RERE: variants seen among roughly 807,000 people sequenced by gnomAD.
The protein encoded by RERE is arginine-glutamic acid dipeptide repeats.
Under a neutral mutation model 146.1 loss-of-function variants are expected in RERE, and 40 were observed. The ratio of observed to expected loss-of-function variants is 0.27; its 90% CI spans 0.21 to 0.36. The LOEUF is 0.36. RERE is among the 10% of genes least tolerant of loss of function. The probability of loss-of-function intolerance (pLI) is 1.00; values close to 1 mark genes in which losing one functional copy is unlikely to be tolerated. For synonymous variants in RERE, 1,003 were observed against 866.0 expected, an observed-to-expected ratio of 1.16 and a Z score of -2.78; for missense variants, 1,933 against 2,138.7, an observed-to-expected ratio of 0.90 and a Z score of 1.90.
chr1:8,615,976 G>A (rs1473915865), intron 3 of RERE, among the ~76,000 whole-genome samples: 1 of 152,164 alleles, frequency 6.6e-6, no homozygotes, highest in Admixed American at 6.5e-5. Flanking sequence ...AGCTGACAGA[G>A]TGTCAGTAGC....
intron 15 of RERE, 39 bp from the exon 16 acceptor site, chr1:8,362,883 C>T (rs917368502): frequency 6.3e-7 from 1 of 1,584,960 alleles, no homozygotes; most frequent in African/African-American, 1.3e-5. Flanking sequence ...ACCAGATTCC[C>T]AGTCCCCATG....
chr1:8,748,192 C>T (rs570975600), intron 1 of RERE, among the ~76,000 whole-genome samples: 3 of 152,248 alleles, frequency 2.0e-5, no homozygotes, highest in East Asian at 1.9e-4. Flanking sequence ...TTACAGATAA[C>T]GAAACTAAGC....
At chr1:8,601,702 T>C (rs1646630812) in intron 4 of RERE, among the ~76,000 whole-genome samples, 2 of 133,940 alleles carry the variant, frequency 1.5e-5, no homozygotes, top group Non-Finnish European at 1.5e-5. Flanking sequence ...TGGATTGAGA[T>C]ACCTTAATCC....
intron 1 of RERE, among the ~76,000 whole-genome samples, chr1:8,656,905 G>A (rs1319338779): frequency 1.3e-5 from 2 of 152,138 alleles, no homozygotes; most frequent in Non-Finnish European, 2.9e-5. Context: ...CTTGAAGCCA[G>A]GAGTTCAAGA....
intron 11 of RERE, among the ~76,000 whole-genome samples, chr1:8,440,621 C>T (rs1644233526): frequency 6.8e-6 from 1 of 147,780 alleles, no homozygotes; most frequent in Non-Finnish European, 1.5e-5. Context: ...GGCACGGTGG[C>T]TCCTGTCTGT....
chr1:8,501,033 G>GT (rs1465859732), intron 8 of RERE, among the ~76,000 whole-genome samples: 1 of 118,106 alleles, frequency 8.5e-6, no homozygotes, highest in African/African-American at 4.0e-5. Context: ...CGTCCGGGAG[G>GT]GGGGGGGGGG....
At chr1:8,760,647 G>C (rs534758041) in intron 1 of RERE, among the ~76,000 whole-genome samples, 1 of 152,036 alleles carries the variant, frequency 6.6e-6, no homozygotes, top group Non-Finnish European at 1.5e-5. Context: ...ATAGGGTCTC[G>C]CTCTGTCACC....
At chr1:8,716,617 A>AC (rs1639769921) in intron 1 of RERE, among the ~76,000 whole-genome samples, 1 of 152,190 alleles carries the variant, frequency 6.6e-6, no homozygotes, top group African/African-American at 2.4e-5. Flanking sequence ...AAACAAACAA[A>AC]AAAAAATAAA....
In RERE at chr1:8,758,582, T is replaced by G. The variant is rs1398986988; in HGVS notation, c.-145+58578A>C. Among the ~76,000 whole-genome samples, 3 of 151,910 alleles carry G rather than the reference T, an allele frequency of 2.0e-5. No individual in the cohort carries two copies. The East Asian group carries it at 5.8e-4, about 29-fold the overall frequency. ...AACTTTTTATTTTTATTTTTTGTAG[T>G]GACGAGGTCTCGCCAAGCTGGTCTC... On this transcript the variant is annotated intron_variant, in intron 1 of 22. Coordinates refer to ENST00000400908, the MANE Select transcript of RERE (RefSeq NM_001042681.2).
intron 8 of RERE, among the ~76,000 whole-genome samples, chr1:8,501,249 G>A (rs1645147171): frequency 7.0e-6 from 1 of 142,188 alleles, no homozygotes; most frequent in East Asian, 2.2e-4. Flanking sequence ...CCGTCCGGGA[G>A]GTGAGGGGCG....
chr1:8,514,572 A>T lies in RERE; in HGVS notation c.831-5897T>A, dbSNP rs557683912. Among the ~76,000 whole-genome samples the T allele has an allele frequency of 2.0e-5, 3 of 152,232 alleles. No individual in the cohort carries two copies. The South Asian group carries it at 6.2e-4, about 32-fold the overall frequency. ...TGGTGAAACCCCATCCCTACTAAAAACACAAAATTAGCCATACCGGGTGGT... is the reference window on the plus strand; with the variant it reads ...TGGTGAAACCCCATCCCTACTAAAATCACAAAATTAGCCATACCGGGTGGT... On this transcript the variant is annotated intron_variant, in intron 7 of 22. Coordinates refer to ENST00000400908, the MANE Select transcript of RERE (RefSeq NM_001042681.2).
intron 1 of RERE, among the ~76,000 whole-genome samples, chr1:8,745,682 C>T (rs1640405218): frequency 6.6e-6 from 1 of 152,188 alleles, no homozygotes; most frequent in African/African-American, 2.4e-5. Flanking sequence ...CCTCTGTCCT[C>T]AGCCCCTTCT....
chr1:8,358,870 A>C lies in RERE; in HGVS notation c.3665T>G (p.Leu1222Arg), dbSNP rs1392058707. The C allele has an allele frequency of 6.3e-7, 1 of 1,578,998 alleles. No individual in the cohort carries two copies. The highest frequency in any genetic ancestry group is 1.8e-5 in the Admixed American group (1 of 56,278). The change falls in exon 20 of 23, where the codon CTC becomes CGC. Residue 1222 changes from leucine to arginine, a missense_variant. Physicochemically the swap from Leu to Arg is moderately radical, Grantham distance 102. This residue lies in a region of RERE where 1,255 missense variants were observed against 1,153.8 expected (regional missense o/e 1.09). Coordinates refer to ENST00000400908, the MANE Select transcript of RERE (RefSeq NM_001042681.2). Reference sequence around the variant, plus strand: ...TGGCCGCATGTGGCCAGGACCACTGAGCTGTGGGTCACTGAGGCGACCTTC... The same window carrying C: ...TGGCCGCATGTGGCCAGGACCACTGCGCTGTGGGTCACTGAGGCGACCTTC... ...AHEGRLSDPQ[L>R]SGPGHMRPSF...
chr1:8,527,426 A>G (rs1486156928), intron 7 of RERE, among the ~76,000 whole-genome samples: 3 of 152,204 alleles, frequency 2.0e-5, no homozygotes, highest in Non-Finnish European at 4.4e-5. Context: ...ATTTCCTCCC[A>G]AAAGTGTATA....
intron 1 of RERE, among the ~76,000 whole-genome samples, chr1:8,808,072 A>G (rs370849211): frequency 6.6e-6 from 1 of 151,110 alleles, no homozygotes; most frequent in South Asian, 2.1e-4. Flanking sequence ...TGGACCCTCA[A>G]GATCGAGGCT....
At chr1:8,815,861 G>A (rs1360293589) in intron 1 of RERE, among the ~76,000 whole-genome samples, 3 of 151,548 alleles carry the variant, frequency 2.0e-5, no homozygotes, top group South Asian at 2.1e-4. Flanking sequence ...GTGTGTGTGT[G>A]TATATGTGTG....
At chr1:8,385,137 G>A (rs1031994242) in intron 12 of RERE, among the ~76,000 whole-genome samples, 6 of 152,188 alleles carry the variant, frequency 3.9e-5, no homozygotes, top group South Asian at 2.1e-4. Context: ...GGGAAGCACC[G>A]AGGAAAATAC....
chr1:8,680,857 G>A (rs149461704), intron 1 of RERE, among the ~76,000 whole-genome samples: 264 of 152,198 alleles, frequency 1.7e-3, no homozygotes, highest in African/African-American at 6.0e-3. Context: ...ACTATAGCCC[G>A]GGAGAAAGAG....
chr1:8,641,861 C>CT (rs972648647), intron 2 of RERE, among the ~76,000 whole-genome samples: 1 of 152,160 alleles, frequency 6.6e-6, no homozygotes, highest in African/African-American at 2.4e-5. Flanking sequence ...GAGCCATCCC[C>CT]TTTTGGAGTT....
Sources: allele counts gnomAD v4.1 joint callset (sites outside exome capture counted in the v4.1 genomes callset), GRCh38; gene constraint gnomAD v4.1.1; regional missense constraint gnomAD v4.1.1; transcripts MANE v1.5; gene names NCBI Gene and HGNC (gene_info 2026-07-23, HGNC 2026-07-21).